PHF20: variants seen among roughly 807,000 people sequenced by gnomAD.
PHF20 encodes the protein glioma-expressed antigen 2.
A neutral mutation model predicts 113.5 loss-of-function variants in PHF20; 23 were observed. The observed-to-expected ratio is 0.20, with a 90% CI of 0.15 to 0.29. The LOEUF (loss-of-function observed/expected upper bound fraction) is 0.29. Ranked by LOEUF, PHF20 falls within the 10% of genes least tolerant of loss-of-function variation. The pLI, the probability that PHF20 is intolerant of heterozygous loss-of-function variation, is 1.00. For missense variants in PHF20, 943 were observed against 1,219.6 expected, an observed-to-expected ratio of 0.77 and a Z score of 3.38; for synonymous variants, 434 against 457.3, an observed-to-expected ratio of 0.95 and a Z score of 0.65.
rs200171650 is a variant in PHF20, at chr20:35,842,604, G to A, written c.115G>A (p.Glu39Lys). The change falls in exon 3 of 18, where the codon GAG becomes AAG. Residue 39 changes from glutamate to lysine, a missense_variant. Transcript: ENST00000374012. ...YPAHIEDIDYEEGKVLIHFKR... is the reference protein window; with the variant it reads ...YPAHIEDIDYKEGKVLIHFKR... ...AGCTCACATAGAAGACATTGACTAC[G>A]AGGAAGGAAAAGTACTCATCCATTT... 13 of 1,613,748 alleles carry A rather than the reference G, an allele frequency of 8.1e-6. No homozygotes were observed. In the East Asian group the frequency reaches 2.0e-4, roughly 25 times the overall value.
At chr20:35,897,877 G>T (rs1343668539) in intron 9 of PHF20, among the ~76,000 whole-genome samples, 21 of 138,548 alleles carry the variant, frequency 1.5e-4, no homozygotes, top group South Asian at 4.6e-4. Context: ...TTTTTTTTTT[G>T]TTTTGTTTTG....
rs556277270 is a variant in PHF20 at position 35,828,457 on chromosome 20, G to T, written c.84-14116G>T. Among the ~76,000 whole-genome samples, 802 of 152,156 alleles carry T rather than the reference G, an allele frequency of 5.3e-3. 7 individuals carry two copies. The highest frequency in any genetic ancestry group is 0.024 in the South Asian group (115 of 4,826). On this transcript the variant is annotated intron_variant, in intron 2 of 17. Coordinates refer to ENST00000374012, the MANE Select transcript of PHF20 (RefSeq NM_016436.5). ...TTTAGTTAGTATTTCTGGTATATAGGGGGGAACAAAACAGATTCCTGCCAA... is the reference window on the plus strand; with the variant it reads ...TTTAGTTAGTATTTCTGGTATATAGTGGGGAACAAAACAGATTCCTGCCAA...
At chr20:35,858,439 T>C (rs1426407285) in intron 5 of PHF20, 58 bp downstream of exon 5, 3 of 921,906 alleles carry the variant, frequency 3.3e-6, no homozygotes, top group African/African-American at 3.3e-5. Context: ...GTAGTTTTGT[T>C]TCCTCAAATA....
chr20:35,788,433 T>C (rs1415125300), intron 1 of PHF20, among the ~76,000 whole-genome samples: 1 of 152,026 alleles, frequency 6.6e-6, no homozygotes, highest in African/African-American at 2.4e-5. Context: ...GATCTCACTA[T>C]GTTGCCCAGG....
chr20:35,826,947 C>T (rs998542970), intron 2 of PHF20, among the ~76,000 whole-genome samples: 4 of 151,028 alleles, frequency 2.6e-5, no homozygotes, highest in African/African-American at 9.7e-5. Flanking sequence ...TTAAGGCATT[C>T]AAAATAGCAG....
chr20:35,848,350 C>T (rs1377854624), intron 4 of PHF20, among the ~76,000 whole-genome samples: 6 of 151,980 alleles, frequency 3.9e-5, no homozygotes, highest in Admixed American at 3.9e-4. Flanking sequence ...TCACTGCAAC[C>T]TCCATCTCCT....
At chr20:35,886,302 C>CT (rs34330514) in intron 9 of PHF20, among the ~76,000 whole-genome samples, 16 of 150,664 alleles carry the variant, frequency 1.1e-4, no homozygotes, top group East Asian at 1.9e-4. Flanking sequence ...CCATGCCCAG[C>CT]TTTTTTTTTG....
intron 8 of PHF20, 32 bp downstream of exon 8, chr20:35,871,166 A>G: frequency 1.3e-6 from 2 of 1,542,490 alleles, no homozygotes; most frequent in Non-Finnish European, 1.8e-6. Flanking sequence ...TTGTCTTGCC[A>G]ACCTGGTTCC....
chr20:35,946,779 G>A (rs551453828), intron 17 of PHF20, among the ~76,000 whole-genome samples: 9 of 151,458 alleles, frequency 5.9e-5, no homozygotes, highest in Admixed American at 3.3e-4. Context: ...GCACGATCTC[G>A]GCTCACTGCG....
chr20:35,919,028 T>G (rs1373207437), intron 13 of PHF20, among the ~76,000 whole-genome samples: 1 of 152,108 alleles, frequency 6.6e-6, no homozygotes, highest in African/African-American at 2.4e-5. Context: ...TTTTTTTTTC[T>G]TTTTGAGACG....
chr20:35,849,752 G>A (rs1320759327), intron 4 of PHF20, among the ~76,000 whole-genome samples: 2 of 151,552 alleles, frequency 1.3e-5, no homozygotes, highest in East Asian at 2.0e-4. Flanking sequence ...AAGCTCTGCC[G>A]GCAAGGCGGC....
chr20:35,849,394 A>G (rs1337492317), intron 4 of PHF20: 8 of 469,426 alleles, frequency 1.7e-5, no homozygotes, highest in African/African-American at 1.4e-4. Flanking sequence ...GAAGTAAAAC[A>G]AAAGAAGACC....
At chr20:35,874,329 T>C (rs1172810849) in intron 9 of PHF20, among the ~76,000 whole-genome samples, 1 of 152,250 alleles carries the variant, frequency 6.6e-6, no homozygotes, top group Non-Finnish European at 1.5e-5. Context: ...CAATTATGTA[T>C]GTTAAAGACG....
At chr20:35,790,275 A>G (rs1470400061) in intron 1 of PHF20, among the ~76,000 whole-genome samples, 2 of 151,328 alleles carry the variant, frequency 1.3e-5, no homozygotes, top group African/African-American at 4.9e-5. Flanking sequence ...ATCCCGGCTC[A>G]CTGCAACCTC....
rs567204606 is a variant in PHF20, at chr20:35,871,070, A to G, written c.1038A>G (p.Val346=). Residue 346 remains valine, a synonymous_variant, in exon 8 of 18, where the codon GTA becomes GTG. Transcript: ENST00000374012. ...THEILDPDLV[V]SDLVDTDPLQ... The stretch of plus-strand genomic sequence containing the variant: ...AGATCCTAGATCCTGACTTGGTTGT[A>G]TCAGATTTGGTTGATACGGATCCTT... The G allele has an allele frequency of 5.6e-6, 9 of 1,613,468 alleles. No homozygotes were observed. Among genetic ancestry groups the G allele is most frequent in the Admixed American group, 1.7e-5 (1 of 59,764 alleles).
At chr20:35,840,492 T>G (rs558199849) in intron 2 of PHF20, among the ~76,000 whole-genome samples, 42 of 151,942 alleles carry the variant, frequency 2.8e-4, no homozygotes, top group African/African-American at 1.0e-3. Flanking sequence ...GCTGGAAGAG[T>G]GGGACTCAAG....
At chr20:35,932,145 G>A (rs919782843) in intron 15 of PHF20, among the ~76,000 whole-genome samples, 5 of 147,436 alleles carry the variant, frequency 3.4e-5, no homozygotes, top group African/African-American at 1.3e-4. Flanking sequence ...ATGGCTCACT[G>A]CAGCCTCCAC....
At chr20:35,813,505 G>C (rs889601632) in intron 2 of PHF20, among the ~76,000 whole-genome samples, 2 of 152,040 alleles carry the variant, frequency 1.3e-5, no homozygotes, top group African/African-American at 4.8e-5. Flanking sequence ...TCTTATCCCA[G>C]ACCCTGGACG....
At chr20:35,781,050 A>G (rs1338439042) in intron 1 of PHF20, among the ~76,000 whole-genome samples, 1 of 150,980 alleles carries the variant, frequency 6.6e-6, no homozygotes, top group African/African-American at 2.4e-5. Context: ...ATGGAGTTTT[A>G]CCATGTTGGT....
Sources: allele counts gnomAD v4.1 joint callset (sites outside exome capture counted in the v4.1 genomes callset), GRCh38; gene constraint gnomAD v4.1.1; transcripts MANE v1.5; gene names NCBI Gene and HGNC (gene_info 2026-07-23, HGNC 2026-07-21).